The following LY6H variants were observed in gnomAD, a reference collection of about 807,000 sequenced individuals.
The protein encoded by LY6H is lymphocyte antigen 6 family member H.
In LY6H, 8 loss-of-function variants were observed where a neutral mutation model predicts 14.6. The observed-to-expected ratio is 0.55, with a 90% confidence interval of 0.32 to 0.99. The LOEUF is 0.99. LY6H is among the 50% of genes least tolerant of loss of function. LY6H has a pLI of 0.04. For missense variants in LY6H, 196 were observed against 219.6 expected, an observed-to-expected ratio of 0.89 and a Z score of 0.68; for synonymous variants, 115 against 97.2, an observed-to-expected ratio of 1.18 and a Z score of -1.08.
chr8:143,159,994 C>G, intron 1 of LY6H: 4 of 1,225,648 alleles, frequency 3.3e-6, no homozygotes, highest in East Asian at 3.2e-5. Flanking sequence ...CAGGTGCGTC[C>G]GGACAGGAAT....
At position 143,160,111 on chromosome 8, in the gene LY6H, C is replaced by A. The variant is rs575135423; in HGVS notation, c.2+87G>T. The A allele has an allele frequency of 4.3e-4, 491 of 1,139,266 alleles. 1 individual carries two copies. In the African/African-American group the frequency reaches 7.1e-3, roughly 16 times the overall value. The allele number at this position is 1,139,266 out of a possible 1,614,324, so 70.6% of individuals were successfully genotyped here. ...GGGGGCCGGGAACCCCGGGCCGAGT[C>A]CCCTCCCTTGGCCTTCCGCGCGCGC... On this transcript the variant is annotated intron_variant, in intron 1 of 3. Transcript: ENST00000342752.
chr8:143,159,797 C>T (rs1235944605), intron 1 of LY6H, 88 bp from the exon 2 acceptor site: 1 of 1,283,088 alleles, frequency 7.8e-7, no homozygotes, highest in Non-Finnish European at 9.9e-7. Context: ...GAATCCAAGG[C>T]CGGGGTCCGC....
intron 1 of LY6H, 106 bp downstream of exon 1, chr8:143,160,084 TGGGGGGCC>T (rs1815562230): frequency 1.0e-6 from 1 of 963,998 alleles, no homozygotes; most frequent in Non-Finnish European, 1.3e-6. Flanking sequence ...ACCCCTGGGC[TGGGGGGCC>T]GGGAACCCCG....
chr8:143,159,896 CGAGGT>C (rs1815556307), intron 1 of LY6H, 187 bp from the exon 2 acceptor site: 2 of 1,152,542 alleles, frequency 1.7e-6, no homozygotes, highest in Admixed American at 8.4e-5. Flanking sequence ...GCCTCTGGGG[CGAGGT>C]GACAGCTCGA....
At position 143,159,716 on chromosome 8, in the gene LY6H, G is replaced by C; in HGVS notation, c.3-7C>G. The C allele has an allele frequency of 7.3e-7, 1 of 1,366,714 alleles. No homozygotes were observed. 84.7% of individuals were successfully genotyped at this position (1,366,714 alleles called of 1,614,324 possible). Reference sequence around the variant, plus strand: ...GGTCCTCTGGGGCGCAAGCCTGGAGGGGAGAAGCATCGGTCAGGAGACCCC... The same window carrying C: ...GGTCCTCTGGGGCGCAAGCCTGGAGCGGAGAAGCATCGGTCAGGAGACCCC... On this transcript the variant is annotated splice_polypyrimidine_tract_variant and splice_region_variant and intron_variant, in intron 1 of 3. Transcript: ENST00000342752.
Position 143,159,616 on chromosome 8 carries a change from C to T in LY6H, c.96G>A (p.Leu32=). 2 of 1,490,394 alleles carry T rather than the reference C, an allele frequency of 1.3e-6. No homozygotes were observed. Among genetic ancestry groups the T allele is most frequent in the South Asian group, 1.3e-5 (1 of 79,726 alleles). 92.3% of individuals were successfully genotyped at this position (1,490,394 alleles called of 1,614,324 possible). A position where few individuals can be genotyped will look rare whatever the true frequency, so the allele number is the denominator to read the frequency against. Residue 32 remains leucine, a synonymous_variant, in exon 2 of 4, where the codon CTG becomes CTA. Transcript: ENST00000342752. ...MLPAAMKGLG[L]ALLAVLLCSA... ...AGCACAGCAGGACGGCCAGCAGCGC[C>T]AGGCCGAGGCCCTTCATGGCTGCAG...
At chr8:143,160,479 T>C (rs1815574707), upstream of LY6H, 1 of 149,220 alleles carries the variant, frequency 6.7e-6, no homozygotes, top group African/African-American at 2.5e-5. Context: ...GCGCGCGCGC[T>C]CCCTCGGGTT....
Position 143,160,042 on chromosome 8 carries a change from G to A in LY6H, c.2+156C>T, listed in dbSNP as rs918200333. 2.9e-6 allele frequency: 3 copies of A among 1,018,944 alleles called. 1 individual carries two copies. The allele number at this position is 1,018,944 out of a possible 1,614,324, so 63.1% of individuals were successfully genotyped here. Reference sequence around the variant, plus strand: ...CGGGAGCGGGTGGGACCTGCCACTGGGGGGAGGGGCGCGTGCCAGGTCCCC... The same window carrying A: ...CGGGAGCGGGTGGGACCTGCCACTGAGGGGAGGGGCGCGTGCCAGGTCCCC... On this transcript the variant is annotated intron_variant, in intron 1 of 3. Coordinates refer to ENST00000342752, the MANE Select transcript of LY6H (RefSeq NM_001135655.2).
At position 143,158,401 on chromosome 8, in the gene LY6H, C is replaced by G. The variant is rs770182457; in HGVS notation, c.335G>C (p.Gly112Ala). Residue 112 changes from glycine (G) to alanine (A), a missense_variant, in exon 4 of 4, where the codon GGG (glycine) becomes GCG (alanine). Transcript: ENST00000342752. ...CTTTAAGATCCCAGAGTTAATAAACCCCATCAGATAGTCTGAGAAAAAGTG... is the reference window on the plus strand; with the variant it reads ...CTTTAAGATCCCAGAGTTAATAAACGCCATCAGATAGTCTGAGAAAAAGTG... ...KRHFFSDYLM[G>A]FINSGILKVD... The G allele has an allele frequency of 1.9e-6, 3 of 1,613,966 alleles. No individual in the cohort carries two copies. The highest frequency in any genetic ancestry group is 2.5e-6 in the Non-Finnish European group (3 of 1,179,964).
At chr8:143,158,546 C>T (rs565230648) in intron 3 of LY6H, 61 bp from the exon 4 acceptor site, 9 of 1,459,260 alleles carry the variant, frequency 6.2e-6, no homozygotes, top group Admixed American at 3.4e-5. Flanking sequence ...TGCCTCATCC[C>T]GAGGACCCAG....
chr8:143,159,837 C>A, intron 1 of LY6H, 128 bp from the exon 2 acceptor site: 1 of 1,174,448 alleles, frequency 8.5e-7, no homozygotes, highest in Non-Finnish European at 1.1e-6. Flanking sequence ...ACCCCCAGCC[C>A]CTTCTCCAGA....
chr8:143,158,455 C>A lies in LY6H; in HGVS notation c.281G>T (p.Cys94Phe), dbSNP rs904656706. The change falls in exon 4 of 4, where the codon TGT becomes TTT. Residue 94 changes from cysteine to phenylalanine, a missense_variant. Transcript: ENST00000342752. ...SRKDHSVNKMCASSCDFVKRH... is the reference protein window; with the variant it reads ...SRKDHSVNKMFASSCDFVKRH... ...CTTAACGAAGTCACAGGAGGAGGCA[C>A]ACATCTTGTTCACCGAGTGATCCTT... 2 of 1,613,892 alleles carry A rather than the reference C, an allele frequency of 1.2e-6. No individual in the cohort carries two copies. Among genetic ancestry groups the A allele is most frequent in the Non-Finnish European group, 1.7e-6 (2 of 1,179,892 alleles).
In LY6H at chr8:143,158,963, G is replaced by C. The variant is rs771443474; in HGVS notation, c.131-41C>G. 5.6e-6 allele frequency: 9 copies of C among 1,605,628 alleles called. No homozygotes were observed. In the African/African-American group the frequency reaches 1.2e-4, roughly 21 times the overall value. On this transcript the variant is annotated intron_variant, in intron 2 of 3. Transcript: ENST00000342752. Reference sequence around the variant, plus strand: ...GGAGGAGGGTGACCAGAGGCACTGGGGTCCAAACCAGGCAGCCCCCTGCGC... The same window carrying C: ...GGAGGAGGGTGACCAGAGGCACTGGCGTCCAAACCAGGCAGCCCCCTGCGC...
chr8:143,159,953 T>TG (rs979337554), intron 1 of LY6H: 181 of 1,220,966 alleles, frequency 1.5e-4, no homozygotes, highest in African/African-American at 3.8e-4. Context: ...GGGGAGCGGA[T>TG]GGGGGGCGTC....
chr8:143,158,119 A>C lies in LY6H; in HGVS notation c.*131T>G. On this transcript the variant is annotated 3_prime_UTR_variant, in exon 4 of 4. Coordinates refer to ENST00000342752, the MANE Select transcript of LY6H (RefSeq NM_001135655.2). ...CAGGGAGGCTTCACGTCGGGGGAGG[A>C]GTGAGAGCCACAGGCCACAGCCACG... is the stretch of plus-strand genomic sequence containing the variant. The C allele has an allele frequency of 1.6e-6, 1 of 621,644 alleles. No individual in the cohort carries two copies. The highest frequency in any genetic ancestry group is 2.8e-6 in the Non-Finnish European group (1 of 353,518). 38.5% of individuals were successfully genotyped at this position (621,644 alleles called of 1,614,324 possible). A position where few individuals can be genotyped will look rare whatever the true frequency, so the allele number is the denominator to read the frequency against.
At position 143,158,165 on chromosome 8, in the gene LY6H, C is replaced by T; in HGVS notation, c.*85G>A. ...CCACGGAGCTGGGCCAAGGCTGCCC[C>T]CAGCCCCAGCCACGCCAGGCTGGGG... is the stretch of plus-strand genomic sequence containing the variant. On this transcript the variant is annotated 3_prime_UTR_variant, in exon 4 of 4. Coordinates refer to ENST00000342752, the MANE Select transcript of LY6H (RefSeq NM_001135655.2). The T allele has an allele frequency of 1.0e-6, 1 of 990,928 alleles. No individual in the cohort carries two copies. Among genetic ancestry groups the T allele is most frequent in the Admixed American group, 2.8e-5 (1 of 35,750 alleles). The allele number at this position is 990,928 out of a possible 1,614,324, so 61.4% of individuals were successfully genotyped here. A position where few individuals can be genotyped will look rare whatever the true frequency, so the allele number is the denominator to read the frequency against.
At chr8:143,160,074 AC>A (rs1815561868) in intron 1 of LY6H, 123 bp downstream of exon 1, 1 of 906,700 alleles carries the variant, frequency 1.1e-6, no homozygotes, top group African/African-American at 1.7e-5. Flanking sequence ...CCCCACCCCC[AC>A]CCCTGGGCTG....
intron 3 of LY6H, 49 bp from the exon 4 acceptor site, chr8:143,158,534 T>C: frequency 6.7e-7 from 1 of 1,503,664 alleles, no homozygotes. Context: ...CTGGGCCCTC[T>C]CTGCCTCATC....
chr8:143,158,375 C>G lies in LY6H; in HGVS notation c.361G>C (p.Val121Leu). The G allele has an allele frequency of 1.2e-6, 2 of 1,613,968 alleles. No homozygotes were observed. The highest frequency in any genetic ancestry group is 1.7e-6 in the Non-Finnish European group (2 of 1,179,948). Residue 121 changes from valine to leucine, a missense_variant, in exon 4 of 4, where the codon GTC (valine) becomes CTC (leucine). Transcript: ENST00000342752. The stretch of plus-strand genomic sequence containing the variant: ...TCCTTCTCGCAGCAGTCCACGTCGA[C>G]CTTTAAGATCCCAGAGTTAATAAAC... ...MGFINSGILK[V>L]DVDCCEKDLC...
Sources: gnomAD v4.1 joint callset for allele counts on GRCh38, gnomAD v4.1.1 for gene constraint, MANE v1.5 for transcripts, NCBI Gene and HGNC (gene_info 2026-07-23, HGNC 2026-07-21) for gene names.